Variants in KDM4C observed in about 807,000 individuals in gnomAD.
The protein encoded by KDM4C is lysine-specific demethylase 4C.
Under a neutral mutation model 129.3 loss-of-function variants are expected in KDM4C, and 81 were observed. That is an observed-to-expected ratio of 0.63 (90% CI 0.52 to 0.75). The LOEUF (loss-of-function observed/expected upper bound fraction) is 0.75. Among genes scored for constraint, KDM4C ranks in the 30% least tolerant of loss-of-function variants. The pLI is 0.00. For missense variants in KDM4C, 1,457 were observed against 1,304.0 expected, an observed-to-expected ratio of 1.12 and a Z score of -1.81; for synonymous variants, 573 against 456.1, an observed-to-expected ratio of 1.26 and a Z score of -3.26.
chr9:6,739,168 G>T (rs1383546325), intron 1 of KDM4C, among the ~76,000 whole-genome samples: 1 of 152,076 alleles, frequency 6.6e-6, no homozygotes, highest in Non-Finnish European at 1.5e-5. Flanking sequence ...TGCCTCCTGG[G>T]TTCAAGCGAT....
intron 4 of KDM4C, among the ~76,000 whole-genome samples, chr9:6,839,417 T>C (rs954524234): frequency 6.9e-6 from 1 of 143,890 alleles, no homozygotes; most frequent in Non-Finnish European, 1.5e-5. Context: ...TTTTTTTTTT[T>C]CTGGTAGAGA....
At chr9:7,018,931 A>G (rs552565590) in intron 15 of KDM4C, among the ~76,000 whole-genome samples, 1 of 152,318 alleles carries the variant, frequency 6.6e-6, no homozygotes, top group South Asian at 2.1e-4. Context: ...TTTACAGTTG[A>G]ACTGGGAACT....
chr9:6,877,124 G>C (rs567014870), intron 5 of KDM4C, among the ~76,000 whole-genome samples: 1 of 152,312 alleles, frequency 6.6e-6, no homozygotes, highest in Non-Finnish European at 1.5e-5. Flanking sequence ...CCAGGTGCCA[G>C]TTATTGCTGG....
intron 18 of KDM4C, among the ~76,000 whole-genome samples, chr9:7,113,377 ATTATCAGGTAAAGCCAG>A (rs1838549577): frequency 6.6e-6 from 1 of 152,226 alleles, no homozygotes; most frequent in Non-Finnish European, 1.5e-5. Context: ...TCTTATTCAC[ATTATCAGGTAAAGCCAG>A]AGAAGATAAA....
intron 8 of KDM4C, among the ~76,000 whole-genome samples, chr9:6,940,026 C>CTTCCTTCCTTCT (rs1825625714): frequency 7.5e-6 from 1 of 134,190 alleles, no homozygotes; most frequent in Non-Finnish European, 1.6e-5. Context: ...TCCTTCCTTC[C>CTTCCTTCCTTCT]TTCCTTCTTT....
chr9:6,732,708 A>G (rs1004457293), intron 1 of KDM4C, among the ~76,000 whole-genome samples: 9 of 152,170 alleles, frequency 5.9e-5, no homozygotes, highest in African/African-American at 2.2e-4. Context: ...GGCAGAGACC[A>G]AAAGAAAGTA....
intron 8 of KDM4C, among the ~76,000 whole-genome samples, chr9:6,980,059 C>G (rs1425362178): frequency 6.6e-6 from 1 of 152,054 alleles, no homozygotes; most frequent in African/African-American, 2.4e-5. Flanking sequence ...TATCTAAAGT[C>G]TTATTGTGTC....
At chr9:6,856,405 T>G (rs553756984) in intron 5 of KDM4C, among the ~76,000 whole-genome samples, 4 of 152,294 alleles carry the variant, frequency 2.6e-5, no homozygotes, top group African/African-American at 9.6e-5. Context: ...ATGGTTCATT[T>G]TGGTTTTAAT....
At position 7,071,343 on chromosome 9, in the gene KDM4C, T is replaced by G. The variant is rs114902894; in HGVS notation, c.2424+22143T>G. Among the ~76,000 whole-genome samples, 874 of 152,208 alleles carry G rather than the reference T, an allele frequency of 5.7e-3. 6 individuals carry two copies. Among genetic ancestry groups the G allele is most frequent in the African/African-American group, 0.02 (833 of 41,550 alleles). Reference sequence around the variant, plus strand: ...TGTGGAAAGGGAAAGCCAAAATAATTTGGAAAAGAACAACAAAATTGGATG... The same window carrying G: ...TGTGGAAAGGGAAAGCCAAAATAATGTGGAAAAGAACAACAAAATTGGATG... On this transcript the variant is annotated intron_variant, in intron 17 of 21. Transcript: ENST00000381309.
chr9:6,899,542 GGTGTGTGTGT>G (rs61209400), intron 8 of KDM4C, among the ~76,000 whole-genome samples: 173 of 150,160 alleles, frequency 1.2e-3, no homozygotes, highest in East Asian at 3.2e-3. Context: ...TTTCCATGGG[GGTGTGTGTGT>G]GTGTGTGTGT....
intron 8 of KDM4C, among the ~76,000 whole-genome samples, chr9:6,956,764 G>T (rs1255224022): frequency 6.6e-6 from 1 of 152,186 alleles, no homozygotes; most frequent in African/African-American, 2.4e-5. Flanking sequence ...GATGTTGTCT[G>T]TGCAGCTTAG....
chr9:6,801,756 C>T (rs1829028251), intron 2 of KDM4C, among the ~76,000 whole-genome samples: 1 of 151,716 alleles, frequency 6.6e-6, no homozygotes, highest in Non-Finnish European at 1.5e-5. Flanking sequence ...TAAGGAAAAA[C>T]CCAACAATGC....
intron 17 of KDM4C, among the ~76,000 whole-genome samples, chr9:7,088,833 A>G (rs2133022193): frequency 6.6e-6 from 1 of 151,874 alleles, no homozygotes; most frequent in Non-Finnish European, 1.5e-5. Flanking sequence ...GAGTACTGTT[A>G]TTTTGGAAAA....
chr9:7,015,108 A>T (rs1160207520), intron 14 of KDM4C, among the ~76,000 whole-genome samples: 1 of 152,136 alleles, frequency 6.6e-6, no homozygotes, highest in Non-Finnish European at 1.5e-5. Flanking sequence ...GTTAACTGTG[A>T]TAGGTTTTTT....
chr9:6,914,880 A>C (rs955343886), intron 8 of KDM4C, among the ~76,000 whole-genome samples: 1 of 152,226 alleles, frequency 6.6e-6, no homozygotes, highest in African/African-American at 2.4e-5. Flanking sequence ...CAGCCTCTAA[A>C]ACTGTGAACA....
rs867715747 is a variant in KDM4C, at chr9:6,839,396, G to A, written c.436-10111G>A. On this transcript the variant is annotated intron_variant, in intron 4 of 21. Coordinates refer to ENST00000381309, the MANE Select transcript of KDM4C (RefSeq NM_015061.6). ...AGGCGCTTGCCACCACACCTGGCCA[G>A]TTTTTTTTTTTTTTTTTTTTTCTGG... 7.3e-5 allele frequency among the ~76,000 whole-genome samples: 8 copies of A among 109,898 alleles called. No homozygotes were observed. The South Asian group carries it at 2.6e-3, about 36-fold the overall frequency. The allele number at this position is 109,898 out of a possible 152,430, so 72.1% of individuals were successfully genotyped here.
At chr9:6,962,554 C>G (rs1184930252) in intron 8 of KDM4C, among the ~76,000 whole-genome samples, 2 of 152,032 alleles carry the variant, frequency 1.3e-5, no homozygotes, top group African/African-American at 4.8e-5. Context: ...ACAAGAAATC[C>G]TATAAATGTT....
intron 15 of KDM4C, among the ~76,000 whole-genome samples, chr9:7,037,319 A>G (rs1003369192): frequency 2.0e-5 from 3 of 152,198 alleles, no homozygotes; most frequent in African/African-American, 7.2e-5. Flanking sequence ...AGAGCTTCCT[A>G]CAATGCAGCT....
chr9:6,882,043 T>A (rs1844532721), intron 6 of KDM4C, among the ~76,000 whole-genome samples: 1 of 152,222 alleles, frequency 6.6e-6, no homozygotes, highest in Non-Finnish European at 1.5e-5. Flanking sequence ...TCTATTGAAA[T>A]CTTGATTGAC....
Sources: gnomAD v4.1 joint callset for allele counts (sites outside exome capture counted in the v4.1 genomes callset) on GRCh38, gnomAD v4.1.1 for gene constraint, MANE v1.5 for transcripts, NCBI Gene and HGNC (gene_info 2026-07-23, HGNC 2026-07-21) for gene names.